Variants in SLCO3A1 observed in about 807,000 individuals in gnomAD.
SLCO3A1 encodes solute carrier organic anion transporter family member 3A1.
SLCO3A1 carries 27 observed loss-of-function variants against 63.1 expected under a neutral mutation model. That is an observed-to-expected ratio of 0.43 (90% CI 0.32 to 0.59). The LOEUF (loss-of-function observed/expected upper bound fraction) is 0.59. Among genes scored for constraint, SLCO3A1 ranks in the 20% least tolerant of loss-of-function variants. SLCO3A1 has a pLI of 0.09. For synonymous variants in SLCO3A1, 473 were observed against 409.9 expected, an observed-to-expected ratio of 1.15 and a Z score of -1.86; for missense variants, 773 against 945.8, an observed-to-expected ratio of 0.82 and a Z score of 2.40.
rs751145405 is a variant in SLCO3A1 at position 92,131,723 on chromosome 15, G to A, written c.1512+3234G>A. Among the ~76,000 whole-genome samples, 88 of 145,088 alleles carry A rather than the reference G, an allele frequency of 6.1e-4. 13 individuals carry two copies. Among genetic ancestry groups the A allele is most frequent in the African/African-American group, 2.1e-3 (84 of 39,980 alleles). On this transcript the variant is annotated intron_variant, in intron 7 of 9. Transcript: ENST00000318445. ...ACACATCAAGCTCTCCCTGCCCCTGGGCCTTTGCACGTGTTGTTTCTCTTA... is the reference window on the plus strand; with the variant it reads ...ACACATCAAGCTCTCCCTGCCCCTGAGCCTTTGCACGTGTTGTTTCTCTTA...
chr15:92,042,368 A>T (rs529877197), intron 2 of SLCO3A1, among the ~76,000 whole-genome samples: 17 of 152,176 alleles, frequency 1.1e-4, no homozygotes, highest in Non-Finnish European at 2.4e-4. Flanking sequence ...GACTTAAGGG[A>T]TCAGCTATGA....
intron 7 of SLCO3A1, among the ~76,000 whole-genome samples, chr15:92,136,840 T>G (rs4777733): frequency 0.15 from 23,492 of 152,100 alleles, 2,563 homozygotes; most frequent in African/African-American, 0.3. Flanking sequence ...ATTCTGTACC[T>G]CACTATTTTG....
chr15:92,029,159 TG>T (rs1567075459), intron 2 of SLCO3A1, among the ~76,000 whole-genome samples: 1 of 152,196 alleles, frequency 6.6e-6, no homozygotes, highest in Admixed American at 6.5e-5. Flanking sequence ...ATGGCTTTCT[TG>T]GGGAGGAAAA....
chr15:91,963,259 C>T (rs532366279), intron 2 of SLCO3A1, among the ~76,000 whole-genome samples: 36 of 152,258 alleles, frequency 2.4e-4, no homozygotes, highest in Admixed American at 5.2e-4. Flanking sequence ...TGTATATGGG[C>T]ACTGGCTCTT....
chr15:92,007,304 A>T (rs895183656), intron 2 of SLCO3A1, among the ~76,000 whole-genome samples: 1 of 152,256 alleles, frequency 6.6e-6, no homozygotes, highest in Non-Finnish European at 1.5e-5. Flanking sequence ...CATAGTGAAA[A>T]GACGACAGCT....
At chr15:92,107,496 A>T (rs577034292) in intron 4 of SLCO3A1, among the ~76,000 whole-genome samples, 2 of 152,338 alleles carry the variant, frequency 1.3e-5, no homozygotes, top group African/African-American at 4.8e-5. Context: ...CATCCTGGAA[A>T]ACCCACGCTG....
At chr15:91,974,265 GTTATTATTA>G (rs56317875) in intron 2 of SLCO3A1, among the ~76,000 whole-genome samples, 35 of 142,958 alleles carry the variant, frequency 2.4e-4, no homozygotes, top group African/African-American at 6.9e-4. Context: ...TTTCATTATT[GTTATTATTA>G]TTATTATTAT....
intron 2 of SLCO3A1, among the ~76,000 whole-genome samples, chr15:91,925,853 AAGCT>A (rs1259685126): frequency 6.6e-6 from 1 of 152,206 alleles, no homozygotes; most frequent in Non-Finnish European, 1.5e-5. Context: ...GCCGTGCTTG[AAGCT>A]AGCATCTAGC....
At chr15:91,857,067 TGTGAGAGA>T (rs1896942644) in intron 1 of SLCO3A1, among the ~76,000 whole-genome samples, 1 of 135,216 alleles carries the variant, frequency 7.4e-6, no homozygotes, top group Admixed American at 7.2e-5. Context: ...TGTGTGTGTG[TGTGAGAGA>T]GAGAGAGAGA....
chr15:91,964,029 C>G (rs571058967), intron 2 of SLCO3A1, among the ~76,000 whole-genome samples: 4 of 152,192 alleles, frequency 2.6e-5, no homozygotes, highest in Admixed American at 2.0e-4. Flanking sequence ...AGACCCAGAG[C>G]ACTGATTGGT....
chr15:92,028,063 C>T (rs1567074811), intron 2 of SLCO3A1, among the ~76,000 whole-genome samples: 1 of 152,186 alleles, frequency 6.6e-6, no homozygotes, highest in Non-Finnish European at 1.5e-5. Context: ...GCACAAAACC[C>T]ATCACTCTGC....
At chr15:91,960,186 T>C (rs1356357262) in intron 2 of SLCO3A1, among the ~76,000 whole-genome samples, 1 of 152,184 alleles carries the variant, frequency 6.6e-6, no homozygotes, top group Non-Finnish European at 1.5e-5. Flanking sequence ...AGTTTCACGA[T>C]GTTAGCCAGG....
intron 2 of SLCO3A1, among the ~76,000 whole-genome samples, chr15:92,058,970 T>C (rs563246125): frequency 7.0e-4 from 106 of 152,328 alleles, no homozygotes; most frequent in Non-Finnish European, 1.2e-3. Flanking sequence ...TATCCTGAGA[T>C]CCTTCATTTC....
At chr15:92,018,682 C>T (rs2046468790) in intron 2 of SLCO3A1, among the ~76,000 whole-genome samples, 1 of 152,142 alleles carries the variant, frequency 6.6e-6, no homozygotes, top group South Asian at 2.1e-4. Context: ...GTCGGGCCAC[C>T]AGGAGTGGGG....
intron 8 of SLCO3A1, 69 bp from the exon 9 acceptor site, chr15:92,150,881 G>A: frequency 1.8e-6 from 2 of 1,102,056 alleles, no homozygotes; most frequent in Non-Finnish European, 2.7e-6. Flanking sequence ...AAATGACTCT[G>A]GGGTCTGTTA....
At chr15:92,012,840 G>C (rs1386058748) in intron 2 of SLCO3A1, among the ~76,000 whole-genome samples, 1 of 151,446 alleles carries the variant, frequency 6.6e-6, no homozygotes, top group Non-Finnish European at 1.5e-5. Context: ...AGGAGCTAGA[G>C]AAAGAACAAA....
At chr15:92,086,297 C>G (rs1355928819) in intron 2 of SLCO3A1, among the ~76,000 whole-genome samples, 1 of 152,202 alleles carries the variant, frequency 6.6e-6, no homozygotes, top group Non-Finnish European at 1.5e-5. Flanking sequence ...TAGTGTCAGA[C>G]TCTTTAACCA....
chr15:91,981,606 C>T (rs1009143563), intron 2 of SLCO3A1, among the ~76,000 whole-genome samples: 4 of 152,156 alleles, frequency 2.6e-5, no homozygotes, highest in African/African-American at 9.7e-5. Flanking sequence ...ATCATCTAAA[C>T]AAGGATTTTT....
intron 4 of SLCO3A1, among the ~76,000 whole-genome samples, chr15:92,113,162 T>C (rs1311655371): frequency 4.6e-5 from 7 of 152,218 alleles, no homozygotes; most frequent in Admixed American, 4.6e-4. Flanking sequence ...TTCATCTCTG[T>C]GATCCCGAGC....
Sources: allele counts gnomAD v4.1 joint callset (sites outside exome capture counted in the v4.1 genomes callset), GRCh38; gene constraint gnomAD v4.1.1; transcripts MANE v1.5; gene names NCBI Gene and HGNC (gene_info 2026-07-23, HGNC 2026-07-21).